Variants in EYS observed in about 807,000 individuals in gnomAD.
EYS encodes protein eyes shut homolog.
In EYS, 250 loss-of-function variants were observed where a neutral mutation model predicts 282.1. The observed-to-expected ratio is 0.89, with a 90% CI of 0.80 to 0.98. EYS has a LOEUF of 0.98. Ranked by LOEUF, EYS falls within the 50% of genes least tolerant of loss-of-function variation. The pLI, the probability that EYS is intolerant of heterozygous loss-of-function variation, is 0.00. For synonymous variants in EYS, 1,355 were observed against 1,282.9 expected (o/e 1.06, Z -1.20); for missense variants, 4,016 against 3,709.0 (o/e 1.08, Z -2.15).
At chr6:65,159,187 A>G (rs1764795073) in intron 12 of EYS, among the ~76,000 whole-genome samples, 1 of 150,850 alleles carries the variant, frequency 6.6e-6, no homozygotes, top group African/African-American at 2.4e-5. Flanking sequence ...GAAGAACTCT[A>G]CATCTGGGCA....
intron 12 of EYS, among the ~76,000 whole-genome samples, chr6:65,071,718 T>A (rs538872109): frequency 6.6e-6 from 1 of 151,848 alleles, no homozygotes; most frequent in Non-Finnish European, 1.5e-5. Context: ...CTTAAATAGA[T>A]GTGAAGTATT....
chr6:64,982,946 T>C (rs1770727144), intron 14 of EYS, among the ~76,000 whole-genome samples: 1 of 151,198 alleles, frequency 6.6e-6, no homozygotes. Context: ...ATACAAGAAA[T>C]CTTTGAAAAT....
At chr6:65,707,091 AG>A (rs1306243384) in intron 1 of EYS, 43 bp downstream of exon 1, 1 of 152,296 alleles carries the variant, frequency 6.6e-6, no homozygotes, top group African/African-American at 2.4e-5. Flanking sequence ...GTTTTTATCT[AG>A]TAATAGAAAA....
chr6:64,332,265 C>T (rs1342412495), intron 29 of EYS, among the ~76,000 whole-genome samples: 4 of 152,136 alleles, frequency 2.6e-5, no homozygotes, highest in African/African-American at 9.7e-5. Flanking sequence ...GCTGACCACC[C>T]TCAATCATAA....
intron 15 of EYS, among the ~76,000 whole-genome samples, chr6:64,944,502 G>A (rs984436020): frequency 2.7e-4 from 41 of 152,104 alleles, no homozygotes; most frequent in African/African-American, 9.9e-4. Context: ...GAAACCAGGG[G>A]CACAATGCAC....
At chr6:65,263,703 C>CTGTT (rs140125653) in intron 12 of EYS, among the ~76,000 whole-genome samples, 2 of 141,316 alleles carry the variant, frequency 1.4e-5, no homozygotes, top group African/African-American at 5.2e-5. Flanking sequence ...CAAGGCAAAG[C>CTGTT]TGTGTGTGTG....
intron 22 of EYS, among the ~76,000 whole-genome samples, chr6:64,633,903 A>G (rs1367616295): frequency 6.6e-6 from 1 of 152,156 alleles, no homozygotes; most frequent in Non-Finnish European, 1.5e-5. Context: ...CCTGAAATAT[A>G]CTAAGCCAGC....
intron 40 of EYS, among the ~76,000 whole-genome samples, chr6:63,762,975 A>G (rs968793305): frequency 1.3e-5 from 2 of 152,048 alleles, no homozygotes; most frequent in Non-Finnish European, 2.9e-5. Context: ...CCTAACTTCA[A>G]GCCTAGTGAA....
chr6:65,424,207 C>A (rs952655274), intron 5 of EYS, among the ~76,000 whole-genome samples: 1 of 151,808 alleles, frequency 6.6e-6, no homozygotes, highest in Non-Finnish European at 1.5e-5. Flanking sequence ...TACTAAGTTG[C>A]CAGAAGATTA....
intron 24 of EYS, among the ~76,000 whole-genome samples, chr6:64,606,984 T>A (rs1766956613): frequency 6.6e-6 from 1 of 152,020 alleles, no homozygotes; most frequent in Non-Finnish European, 1.5e-5. Context: ...TTAACTCTTT[T>A]CTTAGTTTCA....
At chr6:64,516,644 T>C (rs2150522803) in intron 26 of EYS, among the ~76,000 whole-genome samples, 1 of 151,854 alleles carries the variant, frequency 6.6e-6, no homozygotes, top group Admixed American at 6.6e-5. Flanking sequence ...AACCCTTTTC[T>C]CTGCACAGTT....
chr6:64,186,249 A>G (rs886493375), intron 31 of EYS, among the ~76,000 whole-genome samples: 1 of 22,772 alleles, frequency 4.4e-5, no homozygotes, highest in African/African-American at 1.9e-4. Context: ...TGTGTGTTTT[A>G]CACACACACA....
intron 41 of EYS, among the ~76,000 whole-genome samples, chr6:63,756,114 C>G (rs1167153111): frequency 6.6e-6 from 1 of 152,026 alleles, no homozygotes; most frequent in African/African-American, 2.4e-5. Context: ...AATTGAATAC[C>G]TTTATTTCTT....
At chr6:64,107,749 C>T (rs910109753) in intron 31 of EYS, among the ~76,000 whole-genome samples, 6 of 151,952 alleles carry the variant, frequency 3.9e-5, no homozygotes, top group East Asian at 1.9e-4. Context: ...GTAGTCATAA[C>T]GTATTGGGTA....
chr6:64,278,421 CA>C (rs1768188495), intron 30 of EYS, among the ~76,000 whole-genome samples: 1 of 152,028 alleles, frequency 6.6e-6, no homozygotes, highest in Non-Finnish European at 1.5e-5. Flanking sequence ...ACATATATGA[CA>C]ATGATCATTC....
intron 2 of EYS, among the ~76,000 whole-genome samples, chr6:65,502,579 T>C (rs1032624826): frequency 3.3e-5 from 5 of 151,642 alleles, no homozygotes; most frequent in African/African-American, 1.2e-4. Flanking sequence ...TGTCAATGCT[T>C]TATTCAGACT....
At chr6:65,047,908 C>T (rs919171254) in intron 13 of EYS, among the ~76,000 whole-genome samples, 2 of 151,792 alleles carry the variant, frequency 1.3e-5, no homozygotes, top group African/African-American at 4.8e-5. Flanking sequence ...GGGAAGATAA[C>T]CTGATCAGTG....
Position 64,354,154 on chromosome 6 carries a change from T to C in EYS, c.6078+34536A>G, listed in dbSNP as rs941098242. 2.6e-5 allele frequency among the ~76,000 whole-genome samples: 4 copies of C among 151,642 alleles called. No individual in the cohort carries two copies. The East Asian group carries it at 7.8e-4, about 30-fold the overall frequency. On this transcript the variant is annotated intron_variant, in intron 29 of 42. Coordinates refer to ENST00000503581, the MANE Select transcript of EYS (RefSeq NM_001142800.2). ...AACAAAAAGGTAACACGATAGAGTA[T>C]TAGATATCACAATCCCTGATTTATT...
chr6:63,887,314 G>GTTTTTTTTTTTTTTT (rs35622877), intron 35 of EYS, among the ~76,000 whole-genome samples: 2 of 120,236 alleles, frequency 1.7e-5, no homozygotes. Context: ...AATAAAAGGT[G>GTTTTTTTTTTTTTTT]TTTTTTTTTT....
Sources: gnomAD v4.1 joint callset for allele counts (sites outside exome capture counted in the v4.1 genomes callset) on GRCh38, gnomAD v4.1.1 for gene constraint, MANE v1.5 for transcripts, NCBI Gene and HGNC (gene_info 2026-07-23, HGNC 2026-07-21) for gene names.